Variants in CDR2 observed in about 807,000 individuals in gnomAD.
CDR2 encodes cerebellar degeneration related protein 2.
CDR2 carries 34 observed loss-of-function variants against 48.4 expected under a neutral mutation model. The observed-to-expected ratio is 0.70, with a 90% CI of 0.53 to 0.94. The LOEUF (loss-of-function observed/expected upper bound fraction) is 0.94. CDR2 is among the 40% of genes least tolerant of loss of function. CDR2 has a pLI of 0.00. For missense variants in CDR2, 498 were observed against 549.5 expected, an observed-to-expected ratio of 0.91 and a Z score of 0.94; for synonymous variants, 240 against 219.7, an observed-to-expected ratio of 1.09 and a Z score of -0.82.
chr16:22,356,953 G>GAAAAAAAAAAA (rs1162529433), intron 2 of CDR2, among the ~76,000 whole-genome samples: 2 of 87,516 alleles, frequency 2.3e-5, no homozygotes, highest in Non-Finnish European at 2.3e-5. Flanking sequence ...AAAAAAAAAA[G>GAAAAAAAAAAA]AAAAAAAAAA....
At chr16:22,372,806 T>C (rs1350363717) in intron 1 of CDR2, among the ~76,000 whole-genome samples, 2 of 152,246 alleles carry the variant, frequency 1.3e-5, no homozygotes, top group African/African-American at 2.4e-5. Context: ...TAAGAAATTA[T>C]CTTCCTCCAA....
intron 3 of CDR2, 119 bp from the exon 4 acceptor site, chr16:22,349,562 A>G: frequency 7.1e-7 from 1 of 1,405,818 alleles, no homozygotes; most frequent in African/African-American, 1.4e-5. Flanking sequence ...AAGGATGTCT[A>G]TTTAATCTCC....
chr16:22,363,408 T>C lies in CDR2; in HGVS notation c.192+1494A>G, dbSNP rs181463602. Among the ~76,000 whole-genome samples, 711 of 152,354 alleles carry C rather than the reference T, an allele frequency of 4.7e-3. 8 individuals are homozygous for C. Among genetic ancestry groups the C allele is most frequent in the Non-Finnish European group, 7.9e-3 (539 of 68,036 alleles). Reference sequence around the variant, plus strand: ...TCCTGCTCAAGGGGAGGGTCTACTGTATACACCTTTTATGTTACTAGGTAA... The same window carrying C: ...TCCTGCTCAAGGGGAGGGTCTACTGCATACACCTTTTATGTTACTAGGTAA... On this transcript the variant is annotated intron_variant, in intron 2 of 4. Transcript: ENST00000268383.
rs1000084435 is a variant in CDR2 at position 22,374,421 on chromosome 16, C to A, written c.-112G>T. 1.1e-4 allele frequency: 55 copies of A among 500,668 alleles called. No homozygotes were observed. The highest frequency in any genetic ancestry group is 1.9e-5 in the Non-Finnish European group (6 of 316,924). The allele number at this position is 500,668 out of a possible 1,614,324, so 31.0% of individuals were successfully genotyped here. A position where few individuals can be genotyped will look rare whatever the true frequency, so the allele number is the denominator to read the frequency against. ...CAGCCAGAGCCGCCCTCGGGCGGGA[C>A]GCGCCGCCGCCCAGACTCCGCTGCG... On this transcript the variant is annotated 5_prime_UTR_variant, in exon 1 of 5. Transcript: ENST00000268383.
chr16:22,359,852 T>C (rs2049000075), intron 2 of CDR2, among the ~76,000 whole-genome samples: 6 of 150,560 alleles, frequency 4.0e-5, no homozygotes, highest in Admixed American at 3.3e-4. Context: ...AAAGTATTGA[T>C]TACCTAGTAT....
intron 1 of CDR2, among the ~76,000 whole-genome samples, chr16:22,372,637 G>A (rs573514865): frequency 3.9e-5 from 6 of 152,240 alleles, no homozygotes; most frequent in African/African-American, 1.2e-4. Context: ...CAATCCTTAC[G>A]GGGAAATCTG....
chr16:22,353,418 T>A (rs1217220395), intron 2 of CDR2, among the ~76,000 whole-genome samples: 1 of 152,222 alleles, frequency 6.6e-6, no homozygotes, highest in African/African-American at 2.4e-5. Context: ...CACATTTTTC[T>A]AATGTGAGTT....
In CDR2 at chr16:22,347,620, A is replaced by T; in HGVS notation, c.710T>A (p.Leu237Gln). Reference sequence around the variant, plus strand: ...TGCTCGGTAGGCACCTGTGGCCCCCAGCTGCTGCTCCAGTTCACTGTTCTC... The same window carrying T: ...TGCTCGGTAGGCACCTGTGGCCCCCTGCTGCTGCTCCAGTTCACTGTTCTC... ...LKENSELEQQ[L>Q]GATGAYRARA... Residue 237 changes from leucine to glutamine, a missense_variant, in exon 5 of 5, where the codon CTG becomes CAG. Coordinates refer to ENST00000268383, the MANE Select transcript of CDR2 (RefSeq NM_001802.2). The T allele has an allele frequency of 1.9e-6, 3 of 1,614,096 alleles. No homozygotes were observed. In the East Asian group the frequency reaches 6.7e-5, roughly 36 times the overall value.
Position 22,346,726 on chromosome 16 carries a change from A to G in CDR2, c.*239T>C. 1 of 516,326 alleles carries G rather than the reference A, an allele frequency of 1.9e-6. No individual in the cohort carries two copies. The highest frequency in any genetic ancestry group is 3.3e-5 in the East Asian group (1 of 30,016). 32.0% of individuals were successfully genotyped at this position (516,326 alleles called of 1,614,324 possible). ...CCTTTTCAGGAACTGAAGTCTAATCAGCGCGCCAGCCAGAGGCCAGTTTGT... is the reference window on the plus strand; with the variant it reads ...CCTTTTCAGGAACTGAAGTCTAATCGGCGCGCCAGCCAGAGGCCAGTTTGT... On this transcript the variant is annotated 3_prime_UTR_variant, in exon 5 of 5. Coordinates refer to ENST00000268383, the MANE Select transcript of CDR2 (RefSeq NM_001802.2).
intron 2 of CDR2, among the ~76,000 whole-genome samples, chr16:22,356,962 A>C (rs2048978551): frequency 6.6e-6 from 1 of 150,840 alleles, no homozygotes; most frequent in African/African-American, 2.4e-5. Context: ...AGAAAAAAAA[A>C]AAAAAAAAAG....
intron 1 of CDR2, among the ~76,000 whole-genome samples, chr16:22,370,012 A>G (rs1009246357): frequency 2.0e-5 from 3 of 152,220 alleles, no homozygotes; most frequent in African/African-American, 7.2e-5. Flanking sequence ...GAGAATTTCA[A>G]CATATCAATA....
At chr16:22,348,638 A>C (rs2048922336) in intron 4 of CDR2, among the ~76,000 whole-genome samples, 1 of 152,240 alleles carries the variant, frequency 6.6e-6, no homozygotes, top group Admixed American at 6.5e-5. Flanking sequence ...AGGCCTGAGG[A>C]AATGTGTTGG....
Position 22,349,425 on chromosome 16 carries a change from T to G in CDR2, c.360A>C (p.Glu120Asp). Residue 120 changes from glutamate to aspartate, a missense_variant, in exon 4 of 5, where the codon GAA becomes GAC. Physicochemically the swap from Glu to Asp is conservative, Grantham distance 45. Transcript: ENST00000268383. ...GGTGATCAATGTTGGTTTGCAGGCA[T>G]TCAATCGTTTCAGTCAGGCTGTGAG... Reference protein sequence around the residue: ...QKILSLTETIECLQTNIDHLQ... With the variant: ...QKILSLTETIDCLQTNIDHLQ... 8 of 1,614,160 alleles carry G rather than the reference T, an allele frequency of 5.0e-6. No individual in the cohort carries two copies. Among genetic ancestry groups the G allele is most frequent in the Non-Finnish European group, 6.8e-6 (8 of 1,180,040 alleles).
At chr16:22,363,500 A>C (rs1307633918) in intron 2 of CDR2, among the ~76,000 whole-genome samples, 1 of 152,236 alleles carries the variant, frequency 6.6e-6, no homozygotes, top group African/African-American at 2.4e-5. Context: ...CAAAAGTTTA[A>C]AACTGTATGA....
chr16:22,372,051 G>A (rs1323470814), intron 1 of CDR2, among the ~76,000 whole-genome samples: 1 of 152,116 alleles, frequency 6.6e-6, no homozygotes, highest in Non-Finnish European at 1.5e-5. Flanking sequence ...TGTATTTTTA[G>A]TGGAGATGGA....
chr16:22,363,397 A>C (rs1482292536), intron 2 of CDR2, among the ~76,000 whole-genome samples: 1 of 152,170 alleles, frequency 6.6e-6, no homozygotes, highest in Non-Finnish European at 1.5e-5. Context: ...GCTCAAGGGG[A>C]GGGTCTACTG....
At chr16:22,354,988 A>G (rs996827471) in intron 2 of CDR2, among the ~76,000 whole-genome samples, 5 of 152,168 alleles carry the variant, frequency 3.3e-5, no homozygotes, top group Non-Finnish European at 5.9e-5. Flanking sequence ...GTACCCATCA[A>G]CCAGTTTCAA....
chr16:22,348,216 C>A (rs149895725), intron 4 of CDR2, among the ~76,000 whole-genome samples: 6 of 152,098 alleles, frequency 3.9e-5, no homozygotes, highest in Non-Finnish European at 5.9e-5. Flanking sequence ...GGATTACAGA[C>A]GTAAGCCACC....
At chr16:22,368,412 G>C (rs2049056367) in intron 1 of CDR2, among the ~76,000 whole-genome samples, 1 of 152,178 alleles carries the variant, frequency 6.6e-6, no homozygotes, top group African/African-American at 2.4e-5. Flanking sequence ...GTTTCACTAT[G>C]CTGGCCAGGC....
Sources: gnomAD v4.1 joint callset for allele counts (sites outside exome capture counted in the v4.1 genomes callset) on GRCh38, gnomAD v4.1.1 for gene constraint, MANE v1.5 for transcripts, NCBI Gene and HGNC (gene_info 2026-07-23, HGNC 2026-07-21) for gene names.